The following DLGAP1 variants were observed in gnomAD, a reference collection of about 807,000 sequenced individuals.
DLGAP1 encodes the protein DLG associated protein 1.
Under a neutral mutation model 90.8 loss-of-function variants are expected in DLGAP1, and 11 were observed. That is an observed-to-expected ratio of 0.12 (90% CI 0.08 to 0.20). DLGAP1 has a LOEUF of 0.20. Ranked by LOEUF, DLGAP1 falls within the 10% of genes least tolerant of loss-of-function variation. DLGAP1 has a pLI of 1.00. For synonymous variants in DLGAP1, 558 were observed against 540.7 expected (o/e 1.03, Z -0.44); for missense variants, 1,050 against 1,333.8 (o/e 0.79, Z 3.31).
chr18:3,608,299 GC>G (rs11345781), intron 7 of DLGAP1: 151,137 of 151,140 alleles, frequency 1, 75,567 homozygotes, highest in Non-Finnish European at 1. Flanking sequence ...TCCCGTCTGG[GC>G]CAATGAGAGT....
chr18:3,672,621 A>C (rs2060139502), intron 7 of DLGAP1, among the ~76,000 whole-genome samples: 1 of 141,916 alleles, frequency 7.0e-6, no homozygotes, highest in Admixed American at 6.9e-5. Flanking sequence ...TTAATGAGAA[A>C]CAGGTAGATA....
chr18:4,116,108 GT>G (rs2076059598), intron 2 of DLGAP1, among the ~76,000 whole-genome samples: 2 of 152,118 alleles, frequency 1.3e-5, no homozygotes, highest in Non-Finnish European at 2.9e-5. Flanking sequence ...ATCTCAGAAT[GT>G]TTTTATTTTG....
At chr18:3,598,841 AGGCTGTTG>A (rs1243716093) in intron 7 of DLGAP1, among the ~76,000 whole-genome samples, 1 of 151,944 alleles carries the variant, frequency 6.6e-6, no homozygotes, top group Non-Finnish European at 1.5e-5. Flanking sequence ...TCTGTCACCC[AGGCTGTTG>A]TGCAGTGGCA....
intron 9 of DLGAP1, among the ~76,000 whole-genome samples, chr18:3,547,301 C>CAAAAAA (rs765095049): frequency 6.6e-4 from 30 of 45,298 alleles, no homozygotes; most frequent in Non-Finnish European, 8.5e-4. Context: ...GACTCCGTCT[C>CAAAAAA]AAAAAAAAAA....
chr18:3,728,905 T>A lies in DLGAP1; in HGVS notation c.1591+230A>T, dbSNP rs531431004. 1.1e-3 allele frequency among the ~76,000 whole-genome samples: 162 copies of A among 152,192 alleles called. 2 individuals are homozygous for A. Among genetic ancestry groups the A allele is most frequent in the African/African-American group, 3.8e-3 (157 of 41,530 alleles). ...TGCTGTCCCTCCCTCATGGTGCCGT[T>A]GTTGCAGTTTCCCCTGTGGATGCCA... On this transcript the variant is annotated intron_variant, in intron 7 of 12. Coordinates refer to ENST00000315677, the MANE Select transcript of DLGAP1 (RefSeq NM_004746.4).
chr18:3,858,505 TATATATACAC>T (rs1568247871), intron 4 of DLGAP1, among the ~76,000 whole-genome samples: 5 of 149,000 alleles, frequency 3.4e-5, no homozygotes, highest in Admixed American at 2.7e-4. Flanking sequence ...TATATATACA[TATATATACAC>T]GTATATATAT....
intron 3 of DLGAP1, among the ~76,000 whole-genome samples, chr18:3,918,136 T>G (rs561309766): frequency 6.6e-6 from 1 of 152,364 alleles, no homozygotes; most frequent in African/African-American, 2.4e-5. Flanking sequence ...TGCTTGCATA[T>G]TTGCATTTCT....
intron 1 of DLGAP1, among the ~76,000 whole-genome samples, chr18:4,173,577 A>G (rs75601239): frequency 6.6e-6 from 1 of 152,076 alleles, no homozygotes; most frequent in Admixed American, 6.6e-5. Flanking sequence ...TAAAAAAAAA[A>G]TCCTAGGCTC....
chr18:3,521,617 T>TTACCTC (rs1369385444), intron 10 of DLGAP1, among the ~76,000 whole-genome samples: 1 of 152,154 alleles, frequency 6.6e-6, no homozygotes, highest in African/African-American at 2.4e-5. Context: ...CCAGAAAGCC[T>TTACCTC]TACCTCCTTT....
At chr18:4,112,824 T>C (rs2075997488) in intron 2 of DLGAP1, among the ~76,000 whole-genome samples, 1 of 152,194 alleles carries the variant, frequency 6.6e-6, no homozygotes, top group Non-Finnish European at 1.5e-5. Flanking sequence ...GTGTATCCAA[T>C]ATTTAGCTCC....
At chr18:3,983,164 C>A (rs908513910) in intron 3 of DLGAP1, 2 of 152,016 alleles carry the variant, frequency 1.3e-5, no homozygotes, top group African/African-American at 4.8e-5. Flanking sequence ...ATTATATGCA[C>A]ATTTTTTCTT....
rs1251257913 is a variant in DLGAP1 at position 3,562,000 on chromosome 18, G to A, written c.2057+5490C>T. On this transcript the variant is annotated intron_variant, in intron 9 of 12. Transcript: ENST00000315677. ...TCCCAGCACTTTGGGAGGCCGAGGC[G>A]GGAAGATCATAAGGTCAGGAGTTTG... Among the ~76,000 whole-genome samples, 10 of 150,390 alleles carry A rather than the reference G, an allele frequency of 6.6e-5. 1 individual carries two copies. The highest frequency in any genetic ancestry group is 1.8e-4 in the African/African-American group (7 of 39,886).
Position 4,350,545 on chromosome 18 carries a change from G to T in DLGAP1, c.-267+104461C>A, listed in dbSNP as rs28680264. Among the ~76,000 whole-genome samples, 1,228 of 152,122 alleles carry T rather than the reference G, an allele frequency of 8.1e-3. 14 individuals carry two copies. Among genetic ancestry groups the T allele is most frequent in the African/African-American group, 0.027 (1,121 of 41,522 alleles). ...AATTAGCCAGTGAGAATATGTTCCAGTTAGCTAGAAAATTTACTTATTTAT... is the reference window on the plus strand; with the variant it reads ...AATTAGCCAGTGAGAATATGTTCCATTTAGCTAGAAAATTTACTTATTTAT... On this transcript the variant is annotated intron_variant, in intron 1 of 12. Transcript: ENST00000315677.
chr18:3,553,131 G>T lies in DLGAP1; in HGVS notation c.2057+14359C>A, dbSNP rs551963428. On this transcript the variant is annotated intron_variant, in intron 9 of 12. Coordinates refer to ENST00000315677, the MANE Select transcript of DLGAP1 (RefSeq NM_004746.4). Reference sequence around the variant, plus strand: ...CATCTAAAAGTAATGTTGATAATCCGGCAGAAGGAGAAAGGGGCAGAAATT... The same window carrying T: ...CATCTAAAAGTAATGTTGATAATCCTGCAGAAGGAGAAAGGGGCAGAAATT... Among the ~76,000 whole-genome samples, 3 of 151,904 alleles carry T rather than the reference G, an allele frequency of 2.0e-5. No individual in the cohort carries two copies. In the East Asian group the frequency reaches 5.8e-4, roughly 29 times the overall value.
intron 4 of DLGAP1, among the ~76,000 whole-genome samples, chr18:3,817,599 A>C (rs2067170065): frequency 6.6e-6 from 1 of 152,242 alleles, no homozygotes; most frequent in Admixed American, 6.5e-5. Flanking sequence ...AGGGCCATTA[A>C]CATCGATATA....
chr18:4,405,670 C>T (rs2082647284), intron 1 of DLGAP1, among the ~76,000 whole-genome samples: 1 of 152,112 alleles, frequency 6.6e-6, no homozygotes, highest in Non-Finnish European at 1.5e-5. Context: ...TACAAAGTGG[C>T]TTTCACTGTT....
chr18:4,105,978 A>C (rs111577424), intron 2 of DLGAP1, among the ~76,000 whole-genome samples: 3 of 138,556 alleles, frequency 2.2e-5, no homozygotes, highest in Non-Finnish European at 4.6e-5. Flanking sequence ...CTTGCAGTGA[A>C]CCGAGATCGC....
chr18:3,600,711 TATAG>T lies in DLGAP1; in HGVS notation c.1592-18467_1592-18464del, dbSNP rs1446356992. 2.5e-3 allele frequency among the ~76,000 whole-genome samples: 238 copies of T among 94,926 alleles called. 66 individuals carry two copies. The highest frequency in any genetic ancestry group is 0.01 in the African/African-American group (225 of 21,518). 62.3% of individuals were successfully genotyped at this position (94,926 alleles called of 152,430 possible). ...AGATCTATATAGATATCTATAGCTA[TATAG>T]ATATAGAGATATAGATATATATAGA... On this transcript the variant is annotated intron_variant, in intron 7 of 12. Coordinates refer to ENST00000315677, the MANE Select transcript of DLGAP1 (RefSeq NM_004746.4).
chr18:3,717,336 G>A (rs67160562), intron 7 of DLGAP1, among the ~76,000 whole-genome samples: 38,829 of 151,920 alleles, frequency 0.26, 5,475 homozygotes, highest in East Asian at 0.45. Flanking sequence ...GTTATCACAG[G>A]TAAGAGAGGG....
Sources: gnomAD v4.1 joint callset for allele counts (sites outside exome capture counted in the v4.1 genomes callset) on GRCh38, gnomAD v4.1.1 for gene constraint, MANE v1.5 for transcripts, NCBI Gene and HGNC (gene_info 2026-07-23, HGNC 2026-07-21) for gene names.